PRIMPOL: variants seen among roughly 807,000 people sequenced by gnomAD.
PRIMPOL encodes the protein DNA-directed primase/polymerase protein.
Under a neutral mutation model 63.6 loss-of-function variants are expected in PRIMPOL, and 54 were observed. The observed-to-expected ratio is 0.85, with a 90% CI of 0.68 to 1.07. The LOEUF is 1.07. Among genes scored for constraint, PRIMPOL ranks in the 50% least tolerant of loss-of-function variants. The pLI is 0.00. For missense variants in PRIMPOL, 610 were observed against 648.3 expected (o/e 0.94, Z 0.64); for synonymous variants, 197 against 220.2 (o/e 0.89, Z 0.93).
chr4:184,669,167 G>T (rs1040383016), intron 6 of PRIMPOL, among the ~76,000 whole-genome samples: 2 of 152,184 alleles, frequency 1.3e-5, no homozygotes, highest in African/African-American at 2.4e-5. Context: ...AGTTACATGT[G>T]CCAGGCACTG....
At chr4:184,688,623 C>A (rs977509160) in intron 11 of PRIMPOL, among the ~76,000 whole-genome samples, 4 of 152,196 alleles carry the variant, frequency 2.6e-5, no homozygotes, top group Non-Finnish European at 5.9e-5. Context: ...GCAATCCATG[C>A]ACACAGCAGG....
intron 6 of PRIMPOL, among the ~76,000 whole-genome samples, chr4:184,668,344 C>T (rs1329502750): frequency 6.6e-6 from 1 of 152,260 alleles, no homozygotes; most frequent in African/African-American, 2.4e-5. Context: ...CTGTGCCTCT[C>T]GCCCTACTTA....
At chr4:184,662,518 T>C (rs1748636822) in intron 5 of PRIMPOL, among the ~76,000 whole-genome samples, 2 of 152,182 alleles carry the variant, frequency 1.3e-5, no homozygotes, top group Admixed American at 1.3e-4. Flanking sequence ...AAGTTACTAA[T>C]AAAAGGAATA....
At chr4:184,686,951 G>A (rs75055724) in intron 11 of PRIMPOL, among the ~76,000 whole-genome samples, 4,445 of 152,174 alleles carry the variant, frequency 0.029, 226 homozygotes, top group African/African-American at 0.1. Context: ...TTTTCTATGC[G>A]TATTAACTTA....
chr4:184,666,373 G>A (rs1349059147), intron 6 of PRIMPOL, among the ~76,000 whole-genome samples: 1 of 152,188 alleles, frequency 6.6e-6, no homozygotes, highest in African/African-American at 2.4e-5. Flanking sequence ...TGAGGCACAA[G>A]GATTGCTTGA....
chr4:184,666,952 TG>T (rs1750075347), intron 6 of PRIMPOL, among the ~76,000 whole-genome samples: 1 of 152,214 alleles, frequency 6.6e-6, no homozygotes, highest in South Asian at 2.1e-4. Flanking sequence ...AGCCAAATCC[TG>T]AGTGCTTATC....
intron 6 of PRIMPOL, among the ~76,000 whole-genome samples, 172 bp from the exon 7 acceptor site, chr4:184,672,001 A>G (rs986425248): frequency 1.3e-5 from 2 of 152,170 alleles, no homozygotes; most frequent in African/African-American, 2.4e-5. Context: ...CGGCCTCCCA[A>G]AGTGCTGGGA....
intron 2 of PRIMPOL, among the ~76,000 whole-genome samples, chr4:184,654,666 A>G (rs1423665190): frequency 6.6e-6 from 1 of 151,900 alleles, no homozygotes; most frequent in Non-Finnish European, 1.5e-5. Context: ...GTTAGCCAGG[A>G]TGGTCTCGAT....
chr4:184,671,274 AG>A (rs1751533517), intron 6 of PRIMPOL, among the ~76,000 whole-genome samples: 2 of 152,136 alleles, frequency 1.3e-5, no homozygotes, highest in African/African-American at 4.8e-5. Context: ...GCAGCAGCCT[AG>A]GGGCTGACGG....
chr4:184,691,435 A>G (rs1384137317), intron 11 of PRIMPOL, 64 bp from the exon 12 acceptor site: 12 of 929,074 alleles, frequency 1.3e-5, no homozygotes, highest in Non-Finnish European at 2.0e-5. Flanking sequence ...AACAGCATGC[A>G]GCTGGATTTT....
intron 4 of PRIMPOL, among the ~76,000 whole-genome samples, chr4:184,660,798 A>T (rs141544382): frequency 1.1e-3 from 163 of 152,310 alleles, no homozygotes; most frequent in African/African-American, 3.6e-3. Flanking sequence ...CTGATGATAC[A>T]ATTTTCACAT....
At chr4:184,693,795 C>CCTT (rs1308721691) in intron 13 of PRIMPOL, among the ~76,000 whole-genome samples, 1 of 151,976 alleles carries the variant, frequency 6.6e-6, no homozygotes, top group African/African-American at 2.4e-5. Context: ...ACATCAAAAC[C>CCTT]CTTCATCTAA....
In PRIMPOL at chr4:184,694,717, A is replaced by G. The variant is rs750199085; in HGVS notation, c.1621A>G (p.Ser541Gly). ...TGAAGCTGCAGAGAACAGTCTTCTCAGTTATAACAGTGAAGTGGATGAAAT... is the reference window on the plus strand; with the variant it reads ...TGAAGCTGCAGAGAACAGTCTTCTCGGTTATAACAGTGAAGTGGATGAAAT... Reference protein sequence around the residue: ...LAEAAENSLLSYNSEVDEIPD... With the variant: ...LAEAAENSLLGYNSEVDEIPD... The change falls in exon 14 of 14, where the codon AGT becomes GGT. Residue 541 changes from serine (S) to glycine (G), a missense_variant. By Grantham distance (56) the Ser-to-Gly change is moderately conservative. Transcript: ENST00000314970. 6.2e-7 allele frequency: 1 copy of G among 1,611,596 alleles called. No individual in the cohort carries two copies. The highest frequency in any genetic ancestry group is 1.1e-5 in the South Asian group (1 of 91,034).
Position 184,682,738 on chromosome 4 carries a change from A to G in PRIMPOL, c.1096+402A>G, listed in dbSNP as rs368593706. Among the ~76,000 whole-genome samples the G allele has an allele frequency of 9.2e-5, 14 of 152,282 alleles. No individual in the cohort carries two copies. In the South Asian group the frequency reaches 2.3e-3, roughly 25 times the overall value. On this transcript the variant is annotated intron_variant, in intron 9 of 13. Transcript: ENST00000314970. Reference sequence around the variant, plus strand: ...TTAAAATCTTCAGTGTTAAGTGTTCATAATCACTGACCTTTCAAAAACTAC... The same window carrying G: ...TTAAAATCTTCAGTGTTAAGTGTTCGTAATCACTGACCTTTCAAAAACTAC...
chr4:184,664,487 A>G lies in PRIMPOL; in HGVS notation c.409-1430A>G, dbSNP rs1749268087. Among the ~76,000 whole-genome samples the G allele has an allele frequency of 2.0e-5, 3 of 152,258 alleles. 1 individual carries two copies. ...ATATCTAATGTGGCTCCGTACTGTT[A>G]GGGACTAGGCTTGTTGCTTTGCTGT... On this transcript the variant is annotated intron_variant, in intron 5 of 13. Coordinates refer to ENST00000314970, the MANE Select transcript of PRIMPOL (RefSeq NM_152683.4).
intron 7 of PRIMPOL, among the ~76,000 whole-genome samples, chr4:184,675,663 A>G (rs1156525609): frequency 2.6e-5 from 4 of 152,138 alleles, no homozygotes; most frequent in Non-Finnish European, 4.4e-5. Context: ...CTAAAAAGAC[A>G]AAAATTAGCC....
chr4:184,694,099 T>C, intron 13 of PRIMPOL: 1 of 415,006 alleles, frequency 2.4e-6, no homozygotes. Flanking sequence ...GGCAACTGTT[T>C]TTAATCTTTT....
At chr4:184,677,338 T>C (rs1754370364) in intron 7 of PRIMPOL, among the ~76,000 whole-genome samples, 1 of 152,038 alleles carries the variant, frequency 6.6e-6, no homozygotes, top group African/African-American at 2.4e-5. Flanking sequence ...GATTCACTTT[T>C]TCGTATGTGG....
At chr4:184,664,149 A>T (rs893437798) in intron 5 of PRIMPOL, among the ~76,000 whole-genome samples, 1 of 152,206 alleles carries the variant, frequency 6.6e-6, no homozygotes, top group Non-Finnish European at 1.5e-5. Context: ...AATTAAAGTT[A>T]ATCTTGGGAA....
Sources: allele counts gnomAD v4.1 joint callset (sites outside exome capture counted in the v4.1 genomes callset), GRCh38; gene constraint gnomAD v4.1.1; transcripts MANE v1.5; gene names NCBI Gene and HGNC (gene_info 2026-07-23, HGNC 2026-07-21).